MTA3: variants seen among roughly 807,000 people sequenced by gnomAD.
MTA3 encodes the protein metastasis associated 1 family member 3, also known as metastasis-associated protein MTA3.
MTA3 carries 34 observed loss-of-function variants against 83.5 expected under a neutral mutation model. That is an observed-to-expected ratio of 0.41 (90% CI 0.31 to 0.54). The LOEUF (loss-of-function observed/expected upper bound fraction) is 0.54, where lower values mean the gene tolerates loss of function less well. Ranked by LOEUF, MTA3 falls within the 20% of genes least tolerant of loss-of-function variation. The probability of loss-of-function intolerance (pLI) is 0.33; values close to 1 mark genes in which losing one functional copy is unlikely to be tolerated. For missense variants in MTA3, 761 were observed against 726.4 expected (o/e 1.05, Z -0.55); for synonymous variants, 303 against 252.7 (o/e 1.20, Z -1.89).
intron 2 of MTA3, among the ~76,000 whole-genome samples, chr2:42,519,088 A>G (rs566916395): frequency 3.5e-4 from 53 of 151,560 alleles, no homozygotes; most frequent in South Asian, 1.7e-3. Flanking sequence ...CTGGGAAACT[A>G]CCCCAGCCAG....
chr2:42,611,781 C>G (rs1255610249), intron 4 of MTA3, among the ~76,000 whole-genome samples: 1 of 152,024 alleles, frequency 6.6e-6, no homozygotes, highest in Non-Finnish European at 1.5e-5. Context: ...TACCACCACA[C>G]CCTAGCCTGG....
At chr2:42,546,181 G>A (rs1676751328) in intron 2 of MTA3, among the ~76,000 whole-genome samples, 1 of 152,106 alleles carries the variant, frequency 6.6e-6, no homozygotes, top group African/African-American at 2.4e-5. Context: ...GGAGGCGCCT[G>A]GTGACTGCTG....
chr2:42,729,191 G>A (rs1668070351), intron 16 of MTA3, among the ~76,000 whole-genome samples: 1 of 145,442 alleles, frequency 6.9e-6, no homozygotes, highest in Admixed American at 7.1e-5. Context: ...CCTTCCGGGG[G>A]GTTCATGCAA....
Position 42,611,322 on chromosome 2 carries a change from T to TATACACACAC in MTA3, c.317+1739_317+1740insTACACACACA, listed in dbSNP as rs1553361010. Among the ~76,000 whole-genome samples the TATACACACAC allele has an allele frequency of 2.7e-3, 44 of 16,084 alleles. 1 individual carries two copies. In the South Asian group the frequency reaches 0.17, roughly 61 times the overall value. 10.6% of individuals were successfully genotyped at this position (16,084 alleles called of 152,430 possible). On this transcript the variant is annotated intron_variant, in intron 4 of 16. Coordinates refer to ENST00000405094, the MANE Select transcript of MTA3 (RefSeq NM_001330442.2). ...TTCTAAAGCTCTGGTACTTAACACA[T>TATACACACAC]ACACACACACACACACACCCCCTCA...
At chr2:42,753,083 A>T (rs1670004946) in intron 16 of MTA3, among the ~76,000 whole-genome samples, 1 of 152,020 alleles carries the variant, frequency 6.6e-6, no homozygotes, top group Non-Finnish European at 1.5e-5. Context: ...GCACCACCAC[A>T]CCTGGCTAAC....
intron 4 of MTA3, among the ~76,000 whole-genome samples, chr2:42,636,707 A>C (rs1172558187): frequency 1.4e-5 from 2 of 148,090 alleles, no homozygotes; most frequent in African/African-American, 2.5e-5. Flanking sequence ...GCTCACTGCA[A>C]CCTCCGGCTC....
At chr2:42,732,543 C>T (rs747635255) in intron 16 of MTA3, among the ~76,000 whole-genome samples, 4 of 152,180 alleles carry the variant, frequency 2.6e-5, no homozygotes, top group Non-Finnish European at 4.4e-5. Flanking sequence ...GCTGTGAAGA[C>T]CTCTGACATG....
Position 42,538,767 on chromosome 2 carries a change from G to T in MTA3, c.-140-31670G>T, listed in dbSNP as rs7595429. On this transcript the variant is annotated intron_variant, in intron 2 of 17. Coordinates refer to the MTA3 transcript ENST00000405592. ...AGAAAAAGAAAAAAATGTTTTTTTT[G>T]TTTTTTTTTGTTTTTTTTGAGACGG... is the stretch of plus-strand genomic sequence containing the variant. 5.2e-3 allele frequency among the ~76,000 whole-genome samples: 381 copies of T among 72,588 alleles called. 3 individuals are homozygous for T. The highest frequency in any genetic ancestry group is 7.7e-3 in the Middle Eastern group (1 of 130). 47.6% of individuals were successfully genotyped at this position (72,588 alleles called of 152,430 possible). A position where few individuals can be genotyped will look rare whatever the true frequency, so the allele number is the denominator to read the frequency against.
In MTA3 at chr2:42,754,019, C is replaced by T. The variant is rs1670073440; in HGVS notation, c.*620C>T. On this transcript the variant is annotated 3_prime_UTR_variant, in exon 17 of 17. Coordinates refer to ENST00000405094, the MANE Select transcript of MTA3 (RefSeq NM_001330442.2). ...CTATATGTGACCCTCCCTCCTACTC[C>T]TCCAAGGAACAGAATTACCGAGGTT... 2 of 985,528 alleles carry T rather than the reference C, an allele frequency of 2.0e-6. No homozygotes were observed. The highest frequency in any genetic ancestry group is 2.4e-6 in the Non-Finnish European group (2 of 829,998). 61.0% of individuals were successfully genotyped at this position (985,528 alleles called of 1,614,324 possible).
chr2:42,680,491 T>C (rs2104432566), intron 8 of MTA3, among the ~76,000 whole-genome samples: 1 of 152,290 alleles, frequency 6.6e-6, no homozygotes, highest in Admixed American at 6.5e-5. Flanking sequence ...TGCAAGACTT[T>C]AAGTTTATGT....
At chr2:42,551,060 TAAA>T (rs1426714613) in intron 2 of MTA3, among the ~76,000 whole-genome samples, 89 of 150,566 alleles carry the variant, frequency 5.9e-4, no homozygotes, top group African/African-American at 2.0e-3. Context: ...AATAAATAAA[TAAA>T]TAAATAAATA....
chr2:42,549,365 A>G (rs1676974414), intron 2 of MTA3, among the ~76,000 whole-genome samples: 3 of 115,404 alleles, frequency 2.6e-5, no homozygotes, highest in Admixed American at 1.1e-4. Flanking sequence ...ATATATACGT[A>G]TATACGTATA....
At chr2:42,638,290 A>G (rs1266045613) in intron 4 of MTA3, among the ~76,000 whole-genome samples, 1 of 152,212 alleles carries the variant, frequency 6.6e-6, no homozygotes, top group Non-Finnish European at 1.5e-5. Flanking sequence ...TTCACAGGTC[A>G]TAGATATTCT....
intron 14 of MTA3, among the ~76,000 whole-genome samples, chr2:42,715,324 T>C (rs1446091549): frequency 6.6e-6 from 1 of 152,128 alleles, no homozygotes. Flanking sequence ...ACTTTTCTTA[T>C]GTTAAAGAGT....
At chr2:42,627,471 T>C (rs1241822200) in intron 4 of MTA3, among the ~76,000 whole-genome samples, 2 of 152,220 alleles carry the variant, frequency 1.3e-5, no homozygotes, top group Non-Finnish European at 2.9e-5. Flanking sequence ...CTTTTCTTCT[T>C]AGTCTTTCCC....
intron 5 of MTA3, 42 bp from the exon 6 acceptor site, chr2:42,644,085 G>T: frequency 8.4e-7 from 1 of 1,187,420 alleles, no homozygotes; most frequent in Non-Finnish European, 1.2e-6. Context: ...ATAAGAAGTA[G>T]AAGGAATTAA....
At chr2:42,610,401 T>C (rs569145806) in intron 4 of MTA3, among the ~76,000 whole-genome samples, 1 of 152,330 alleles carries the variant, frequency 6.6e-6, no homozygotes, top group East Asian at 1.9e-4. Context: ...GATGTATGCA[T>C]TGATAGCATA....
intron 4 of MTA3, among the ~76,000 whole-genome samples, chr2:42,629,785 A>AT (rs945045019): frequency 1.3e-3 from 188 of 147,862 alleles, no homozygotes; most frequent in Middle Eastern, 3.5e-3. Flanking sequence ...CTGAAAAACA[A>AT]TTTTTTTTTT....
rs767301697 is a variant in MTA3 at position 42,708,975 on chromosome 2, C to T, written c.1404C>T (p.Phe468=). 2.5e-6 allele frequency: 4 copies of T among 1,613,914 alleles called. No individual in the cohort carries two copies. In the African/African-American group the frequency reaches 5.3e-5, roughly 22 times the overall value. The change falls in exon 14 of 17, where the codon TTC becomes TTT. Residue 468 remains phenylalanine (F), a synonymous_variant. Transcript: ENST00000405094. ...PKSAVKTRQA[F]FLHTTYFTKF... is the part of the protein sequence containing the mutation. ...CTGCAGTGAAGACCCGCCAAGCTTT[C>T]TTCCTTCATACTACATATTTCACAA...
Sources: gnomAD v4.1 joint callset for allele counts (sites outside exome capture counted in the v4.1 genomes callset) on GRCh38, gnomAD v4.1.1 for gene constraint, MANE v1.5 for transcripts, NCBI Gene and HGNC (gene_info 2026-07-23, HGNC 2026-07-21) for gene names.